SYT14: variants seen among roughly 807,000 people sequenced by gnomAD.
SYT14 encodes synaptotagmin-14.
In SYT14, 32 loss-of-function variants were observed where a neutral mutation model predicts 74.2. The observed-to-expected ratio is 0.43, with a 90% confidence interval of 0.33 to 0.58. The LOEUF (loss-of-function observed/expected upper bound fraction) is 0.58. Ranked by LOEUF, SYT14 falls within the 20% of genes least tolerant of loss-of-function variation. SYT14 has a pLI of 0.05. For missense variants in SYT14, 791 were observed against 981.8 expected, an observed-to-expected ratio of 0.81 and a Z score of 2.60; for synonymous variants, 298 against 337.7, an observed-to-expected ratio of 0.88 and a Z score of 1.29.
chr1:210,105,916 G>A (rs545866083), intron 7 of SYT14, among the ~76,000 whole-genome samples: 33 of 152,200 alleles, frequency 2.2e-4, no homozygotes, highest in Admixed American at 5.9e-4. Context: ...TCTGCTGAGA[G>A]TAAAAGCTCC....
chr1:210,155,874 A>G (rs1158745602), exon 8 of SYT14: 1 of 1,614,028 alleles, frequency 6.2e-7, no homozygotes, highest in Non-Finnish European at 8.5e-7. Flanking sequence ...GATAAAAGGC[A>G]GCCACTTCAA....
At chr1:210,109,994 A>G (rs1019282311) in intron 7 of SYT14, among the ~76,000 whole-genome samples, 4 of 152,182 alleles carry the variant, frequency 2.6e-5, no homozygotes, top group Non-Finnish European at 5.9e-5. Flanking sequence ...GGAAACCATC[A>G]TTCTCAGCAA....
chr1:210,161,545 G>C, exon 10 of SYT14: 1 of 453,992 alleles, frequency 2.2e-6, no homozygotes, highest in Non-Finnish European at 4.4e-6. Flanking sequence ...AAGGGTTTCA[G>C]TCACATTGAA....
Position 210,137,817 on chromosome 1 carries a change from AT to A in SYT14, c.2035-17902del, listed in dbSNP as rs2082821979. The stretch of plus-strand genomic sequence containing the variant: ...TGCCTCAGCTTCCTGAGTAGATGGA[AT>A]TACAGGCATGCGCCACCACGCCCAG... On this transcript the variant is annotated intron_variant, in intron 7 of 9. Coordinates refer to ENST00000637265, the Ensembl canonical transcript of SYT14. Among the ~76,000 whole-genome samples, 2 of 151,986 alleles carry A rather than the reference AT, an allele frequency of 1.3e-5. 1 individual carries two copies. The highest frequency in any genetic ancestry group is 4.1e-4 in the South Asian group (2 of 4,824).
chr1:210,063,493 A>C (rs865842589), intron 5 of SYT14, among the ~76,000 whole-genome samples: 1 of 151,636 alleles, frequency 6.6e-6, no homozygotes. Context: ...TTATTCAATA[A>C]TTTTTTCAGC....
intron 7 of SYT14, among the ~76,000 whole-genome samples, chr1:210,121,559 C>G (rs1317719318): frequency 1.3e-5 from 2 of 152,028 alleles, no homozygotes; most frequent in South Asian, 2.1e-4. Flanking sequence ...CTTTGGGAGG[C>G]CAAGGTGGGC....
chr1:210,046,422 A>AT lies in SYT14; in HGVS notation c.1312+25179dup, dbSNP rs61053874. 4.0e-3 allele frequency among the ~76,000 whole-genome samples: 599 copies of AT among 150,844 alleles called. 2 individuals are homozygous for AT. Among genetic ancestry groups the AT allele is most frequent in the Admixed American group, 7.6e-3 (116 of 15,178 alleles). ...CTCATTTCAAGTGTACAAGTCAATG[A>AT]TTTTTTTTTTTGTAACTTTACTGAA... On this transcript the variant is annotated intron_variant, in intron 5 of 9. Coordinates refer to ENST00000637265, the Ensembl canonical transcript of SYT14.
chr1:210,151,379 T>C (rs2083154675), intron 7 of SYT14, among the ~76,000 whole-genome samples: 1 of 152,086 alleles, frequency 6.6e-6, no homozygotes, highest in Non-Finnish European at 1.5e-5. Context: ...ACAGCATCGA[T>C]ATTTAATTTG....
chr1:209,944,631 G>T (rs1177260211), intron 1 of SYT14, among the ~76,000 whole-genome samples: 5 of 152,080 alleles, frequency 3.3e-5, no homozygotes, highest in Non-Finnish European at 7.4e-5. Flanking sequence ...GTATAGAAAG[G>T]ACTTGACTTT....
At chr1:210,100,013 A>T in exon 7 of SYT14, 1 of 1,613,740 alleles carries the variant, frequency 6.2e-7, no homozygotes, top group Non-Finnish European at 8.5e-7. Context: ...TTTTCTTAGG[A>T]TATGTCAGCT....
At chr1:210,068,889 T>G (rs2081343548) in intron 5 of SYT14, among the ~76,000 whole-genome samples, 1 of 151,978 alleles carries the variant, frequency 6.6e-6, no homozygotes, top group East Asian at 1.9e-4. Flanking sequence ...TTTTTCAGTC[T>G]TTTTTGGTTT....
intron 2 of SYT14, among the ~76,000 whole-genome samples, chr1:210,011,394 G>A (rs990500190): frequency 1.3e-5 from 2 of 152,110 alleles, no homozygotes; most frequent in Non-Finnish European, 2.9e-5. Context: ...GGACAAGACA[G>A]GCAAGGCTAA....
At chr1:209,999,331 G>C (rs2079851741) in intron 2 of SYT14, among the ~76,000 whole-genome samples, 1 of 152,108 alleles carries the variant, frequency 6.6e-6, no homozygotes, top group East Asian at 1.9e-4. Context: ...CAGCCACTAT[G>C]GGAAACAGTA....
At chr1:210,045,586 T>C (rs1217057773) in intron 5 of SYT14, among the ~76,000 whole-genome samples, 1 of 152,172 alleles carries the variant, frequency 6.6e-6, no homozygotes, top group Non-Finnish European at 1.5e-5. Context: ...TTCTTATCTC[T>C]GAATTAATAG....
chr1:210,160,720 C>A lies in SYT14; in HGVS notation c.2282-9C>A, dbSNP rs773856873. 1 of 1,611,044 alleles carries A rather than the reference C, an allele frequency of 6.2e-7. No individual in the cohort carries two copies. The highest frequency in any genetic ancestry group is 1.1e-5 in the South Asian group (1 of 90,564). ...GATATTTGTGATACGTTGTCTTTTT[C>A]TTCTTTAGATACATATGTTAAGTTA... On this transcript the variant is annotated splice_polypyrimidine_tract_variant and intron_variant, in intron 9 of 9. Coordinates refer to ENST00000637265, the Ensembl canonical transcript of SYT14.
chr1:210,058,543 T>C (rs2081142030), intron 5 of SYT14, among the ~76,000 whole-genome samples: 1 of 152,218 alleles, frequency 6.6e-6, no homozygotes. Flanking sequence ...TATGGACTGC[T>C]GACCACAGGG....
chr1:209,948,921 T>TTA (rs2078864897), intron 1 of SYT14, among the ~76,000 whole-genome samples: 1 of 152,170 alleles, frequency 6.6e-6, no homozygotes, highest in Non-Finnish European at 1.5e-5. Context: ...TAGTGGAAGA[T>TTA]TAGTCTCTTC....
At chr1:209,965,779 G>T (rs547501799) in intron 2 of SYT14, 2 of 387,120 alleles carry the variant, frequency 5.2e-6, no homozygotes, top group Admixed American at 6.5e-5. Context: ...AATTGTTTCA[G>T]CCTCATTTTT....
At chr1:210,124,363 A>G (rs143556893) in intron 7 of SYT14, among the ~76,000 whole-genome samples, 2 of 152,264 alleles carry the variant, frequency 1.3e-5, no homozygotes, top group South Asian at 2.1e-4. Flanking sequence ...GATTTAACAT[A>G]TGACTAACAG....
Sources: allele counts gnomAD v4.1 joint callset (sites outside exome capture counted in the v4.1 genomes callset), GRCh38; gene constraint gnomAD v4.1.1; transcripts MANE v1.5; gene names NCBI Gene and HGNC (gene_info 2026-07-23, HGNC 2026-07-21).